The following SAMD3 variants were observed in gnomAD, a reference collection of about 807,000 sequenced individuals.
SAMD3 encodes sterile alpha motif domain-containing protein 3.
In SAMD3, 63 loss-of-function variants were observed where a neutral mutation model predicts 58.5. The ratio of observed to expected loss-of-function variants is 1.08; its 90% CI spans 0.88 to 1.33. The LOEUF is 1.33. SAMD3 is among the 40% of genes most tolerant of loss of function. The probability of loss-of-function intolerance (pLI) is 0.00; values close to 1 mark genes in which losing one functional copy is unlikely to be tolerated. For synonymous variants in SAMD3, 220 were observed against 210.3 expected, an observed-to-expected ratio of 1.05 and a Z score of -0.40; for missense variants, 604 against 608.4, an observed-to-expected ratio of 0.99 and a Z score of 0.08.
chr6:130,218,966 G>A (rs1406061840), intron 1 of SAMD3, among the ~76,000 whole-genome samples: 1 of 152,128 alleles, frequency 6.6e-6, no homozygotes, highest in African/African-American at 2.4e-5. Context: ...GCTTGGGAGA[G>A]TCATTGAACT....
intron 2 of SAMD3, among the ~76,000 whole-genome samples, chr6:130,266,209 G>C (rs149485982): frequency 4.1e-4 from 62 of 152,254 alleles, no homozygotes; most frequent in African/African-American, 1.5e-3. Flanking sequence ...CTTCTATGAT[G>C]AACTGAATGT....
At chr6:130,198,063 C>T (rs1359658807) in intron 5 of SAMD3, among the ~76,000 whole-genome samples, 1 of 152,158 alleles carries the variant, frequency 6.6e-6, no homozygotes, top group Non-Finnish European at 1.5e-5. Context: ...GAACAACACC[C>T]CTTTTTCCTT....
At chr6:130,200,204 T>C (rs968955694) in intron 5 of SAMD3, among the ~76,000 whole-genome samples, 3 of 152,080 alleles carry the variant, frequency 2.0e-5, no homozygotes, top group Non-Finnish European at 4.4e-5. Flanking sequence ...TCTACTACCA[T>C]GACATGCACG....
intron 1 of SAMD3, among the ~76,000 whole-genome samples, chr6:130,343,055 A>G (rs1777320550): frequency 1.3e-5 from 2 of 151,938 alleles, no homozygotes; most frequent in African/African-American, 2.4e-5. Context: ...CACTTCTAGA[A>G]TTACTGATTT....
At chr6:130,301,061 C>T (rs2114975041) in intron 2 of SAMD3, among the ~76,000 whole-genome samples, 1 of 152,236 alleles carries the variant, frequency 6.6e-6, no homozygotes, top group South Asian at 2.1e-4. Context: ...TGAGTGAGAA[C>T]ATGCGGCGTT....
intron 2 of SAMD3, among the ~76,000 whole-genome samples, chr6:130,263,960 T>A (rs2114926501): frequency 6.6e-6 from 1 of 152,332 alleles, no homozygotes; most frequent in Non-Finnish European, 1.5e-5. Context: ...CCTAAAATCA[T>A]ACATTCATTT....
At chr6:130,315,264 C>CAT (rs1014354785) in intron 1 of SAMD3, among the ~76,000 whole-genome samples, 7 of 151,918 alleles carry the variant, frequency 4.6e-5, no homozygotes, top group African/African-American at 1.5e-4. Flanking sequence ...TTCAGAGATA[C>CAT]ATATATATAA....
At chr6:130,235,684 A>G (rs1012085570) in intron 2 of SAMD3, among the ~76,000 whole-genome samples, 4 of 152,238 alleles carry the variant, frequency 2.6e-5, no homozygotes, top group African/African-American at 9.6e-5. Context: ...AAAAGTTAAT[A>G]ATAGAGTAAT....
At chr6:130,266,875 A>G (rs1360763278) in intron 2 of SAMD3, among the ~76,000 whole-genome samples, 1 of 152,160 alleles carries the variant, frequency 6.6e-6, no homozygotes, top group South Asian at 2.1e-4. Context: ...GAATTATACG[A>G]TATTATAGGC....
chr6:130,330,529 G>A (rs1425416884), intron 1 of SAMD3, among the ~76,000 whole-genome samples: 1 of 152,198 alleles, frequency 6.6e-6, no homozygotes, highest in African/African-American at 2.4e-5. Context: ...GAGATGGTTA[G>A]TTTAGAATAG....
At chr6:130,210,244 C>T (rs1795417663) in intron 4 of SAMD3, among the ~76,000 whole-genome samples, 1 of 152,170 alleles carries the variant, frequency 6.6e-6, no homozygotes, top group Non-Finnish European at 1.5e-5. Context: ...CCATCATTTG[C>T]TGAGGTATCA....
chr6:130,314,832 C>T (rs1279409015), intron 1 of SAMD3, among the ~76,000 whole-genome samples: 1 of 152,106 alleles, frequency 6.6e-6, no homozygotes, highest in African/African-American at 2.4e-5. Flanking sequence ...TGGCATTGGA[C>T]TTCTTTTGAG....
chr6:130,175,880 A>G lies in SAMD3; in HGVS notation c.783T>C (p.Ala261=), dbSNP rs1791676708. The stretch of plus-strand genomic sequence containing the variant: ...GTTTAATTTCATCAAATCTTATATC[A>G]GCAAGAGATTTCCTTGTCTGGCCTC... ...HRRGQTRKSL[A]DIRFDEIKLV... The change falls in exon 8 of 12, where the codon GCT becomes GCC. Residue 261 remains alanine, a synonymous_variant. Transcript: ENST00000439090. 1.2e-6 allele frequency: 2 copies of G among 1,613,100 alleles called. No homozygotes were observed. The highest frequency in any genetic ancestry group is 1.7e-5 in the Admixed American group (1 of 59,974).
intron 7 of SAMD3, among the ~76,000 whole-genome samples, chr6:130,182,409 C>A (rs1216042629): frequency 6.6e-6 from 1 of 152,062 alleles, no homozygotes. Flanking sequence ...ACATGGTATA[C>A]AACATCTTTC....
intron 2 of SAMD3, among the ~76,000 whole-genome samples, chr6:130,293,733 G>C (rs1775463038): frequency 6.6e-6 from 1 of 151,460 alleles, no homozygotes; most frequent in Non-Finnish European, 1.5e-5. Context: ...CCAGAAGTGA[G>C]TGGATTGTGT....
intron 1 of SAMD3, among the ~76,000 whole-genome samples, chr6:130,361,797 G>A (rs929555604): frequency 2.6e-5 from 4 of 152,212 alleles, no homozygotes; most frequent in Admixed American, 6.5e-5. Context: ...ATGTTATGCT[G>A]AGAGGCACCC....
intron 2 of SAMD3, among the ~76,000 whole-genome samples, chr6:130,245,562 T>C (rs915382797): frequency 2.0e-5 from 3 of 152,210 alleles, no homozygotes; most frequent in African/African-American, 7.2e-5. Context: ...TATTGCACTG[T>C]GTCTTTTGAA....
In SAMD3 at chr6:130,200,893, C is replaced by T. The variant is rs72982559; in HGVS notation, c.383+8602G>A. ...CAGAATCCCTGTTTTTCTTTCATCCCGCTAAGTTCTGTTGAATAAGCTGTT... is the reference window on the plus strand; with the variant it reads ...CAGAATCCCTGTTTTTCTTTCATCCTGCTAAGTTCTGTTGAATAAGCTGTT... On this transcript the variant is annotated intron_variant, in intron 5 of 11. Transcript: ENST00000439090. Among the ~76,000 whole-genome samples the T allele has an allele frequency of 6.5e-4, 98 of 151,834 alleles. 1 individual carries two copies. In the South Asian group the frequency reaches 0.015, roughly 23 times the overall value.
chr6:130,215,604 C>A, intron 2 of SAMD3: 1 of 1,376,624 alleles, frequency 7.3e-7, no homozygotes. Flanking sequence ...ACAATGGTAC[C>A]CAATCCTGTA....
Sources: allele counts gnomAD v4.1 joint callset (sites outside exome capture counted in the v4.1 genomes callset), GRCh38; gene constraint gnomAD v4.1.1; transcripts MANE v1.5; gene names NCBI Gene and HGNC (gene_info 2026-07-23, HGNC 2026-07-21).